The following STK3 variants were observed in gnomAD, a reference collection of about 807,000 sequenced individuals.
STK3 encodes the protein serine/threonine kinase 3, also known as serine/threonine-protein kinase 3.
A neutral mutation model predicts 58.0 loss-of-function variants in STK3; 41 were observed. That is an observed-to-expected ratio of 0.71 (90% CI 0.55 to 0.92). STK3 has a LOEUF of 0.92. STK3 is among the 40% of genes least tolerant of loss of function. The probability of loss-of-function intolerance (pLI) is 0.00; values close to 1 mark genes in which losing one functional copy is unlikely to be tolerated. For missense variants in STK3, 479 were observed against 602.7 expected, an observed-to-expected ratio of 0.79 and a Z score of 2.15; for synonymous variants, 170 against 191.0, an observed-to-expected ratio of 0.89 and a Z score of 0.91.
Position 98,516,180 on chromosome 8 carries a change from T to C in STK3, c.1317+10562A>G, listed in dbSNP as rs567335299. 1.5e-3 allele frequency among the ~76,000 whole-genome samples: 222 copies of C among 152,172 alleles called. 1 individual carries two copies. The highest frequency in any genetic ancestry group is 5.2e-3 in the African/African-American group (216 of 41,550). On this transcript the variant is annotated intron_variant, in intron 10 of 10. Coordinates refer to ENST00000419617, the MANE Select transcript of STK3 (RefSeq NM_006281.4). ...TGAGTCATAGCAAAATGTGGCATAG[T>C]TGCCCAAATTAATAGAAGCCTAATA...
intron 7 of STK3, among the ~76,000 whole-genome samples, chr8:98,591,419 T>TA (rs1815303870): frequency 6.6e-6 from 1 of 152,240 alleles, no homozygotes; most frequent in South Asian, 2.1e-4. Flanking sequence ...CTTTTTGACT[T>TA]ACAATATTTT....
chr8:98,707,134 A>G lies in STK3; in HGVS notation c.516+13T>C. The G allele has an allele frequency of 6.3e-7, 1 of 1,593,940 alleles. No homozygotes were observed. The highest frequency in any genetic ancestry group is 2.2e-5 in the East Asian group (1 of 44,500). On this transcript the variant is annotated intron_variant, in intron 5 of 10. Coordinates refer to ENST00000419617, the MANE Select transcript of STK3 (RefSeq NM_006281.4). The stretch of plus-strand genomic sequence containing the variant: ...TTAGCCAAGTGTTTAGAAAACCATT[A>G]AAGTTAACTTACTGTTAACTGACCA...
At chr8:98,878,344 G>T (rs1416988701) in intron 3 of STK3, among the ~76,000 whole-genome samples, 1 of 152,148 alleles carries the variant, frequency 6.6e-6, no homozygotes, top group Non-Finnish European at 1.5e-5. Context: ...TCTTTACAAA[G>T]AATCAATATG....
chr8:98,691,462 C>T (rs1321159247), intron 6 of STK3, among the ~76,000 whole-genome samples: 2 of 152,062 alleles, frequency 1.3e-5, no homozygotes, highest in Non-Finnish European at 2.9e-5. Flanking sequence ...ACAAAGAAGA[C>T]ATACAAAGGG....
At chr8:98,392,987 G>A (rs915621088), upstream of STK3, among the ~76,000 whole-genome samples, 8 of 152,202 alleles carry the variant, frequency 5.3e-5, no homozygotes, top group African/African-American at 1.7e-4. Context: ...TCCCTCTCTC[G>A]CTTAGTGACA....
chr8:98,388,955 A>G (rs576184685), upstream of STK3, among the ~76,000 whole-genome samples: 140 of 152,366 alleles, frequency 9.2e-4, no homozygotes, highest in Non-Finnish European at 1.7e-3. Flanking sequence ...TGAATGGCTC[A>G]GAACCATCTG....
At chr8:98,535,444 T>C (rs1288653354) in intron 9 of STK3, among the ~76,000 whole-genome samples, 1 of 146,358 alleles carries the variant, frequency 6.8e-6, no homozygotes, top group East Asian at 2.0e-4. Flanking sequence ...CAGGACCACA[T>C]TGCTTTCATT....
chr8:98,389,662 C>A (rs1248651425), upstream of STK3, among the ~76,000 whole-genome samples: 1 of 151,464 alleles, frequency 6.6e-6, no homozygotes, highest in Non-Finnish European at 1.5e-5. Flanking sequence ...AGCAAGCATA[C>A]CTGTGGACAG....
chr8:98,445,666 C>CA (rs1314892483), intron 1 of STK3, among the ~76,000 whole-genome samples: 3 of 152,152 alleles, frequency 2.0e-5, no homozygotes, highest in Admixed American at 2.0e-4. Flanking sequence ...AAACTGCTGA[C>CA]AAAAAGAAGA....
the STK3 span, among the ~76,000 whole-genome samples, chr8:98,352,319 A>G: frequency 1.3e-5 from 2 of 152,198 alleles, no homozygotes; most frequent in African/African-American, 4.8e-5. Context: ...AATTTTTGAA[A>G]GAATTAGTCA....
At chr8:98,361,965 A>C in the STK3 span, among the ~76,000 whole-genome samples, 751 of 152,300 alleles carry the variant, frequency 4.9e-3, 3 homozygotes, top group African/African-American at 0.017. Context: ...CCTCACTGCC[A>C]GCCTGAATCC....
At chr8:98,360,674 C>T in the STK3 span, among the ~76,000 whole-genome samples, 1 of 152,196 alleles carries the variant, frequency 6.6e-6, no homozygotes, top group Non-Finnish European at 1.5e-5. Flanking sequence ...TGAGAGCTCT[C>T]ACTCACAGAC....
chr8:98,465,234 C>T (rs1428467286), intron 10 of STK3, among the ~76,000 whole-genome samples: 2 of 152,092 alleles, frequency 1.3e-5, no homozygotes, highest in African/African-American at 4.8e-5. Flanking sequence ...AATGATCCAC[C>T]CTAGGTCTCT....
chr8:98,670,851 A>G (rs1382228963), intron 6 of STK3, among the ~76,000 whole-genome samples: 1 of 152,162 alleles, frequency 6.6e-6, no homozygotes, highest in Non-Finnish European at 1.5e-5. Flanking sequence ...CTCTGTCCTC[A>G]TCACCCTTCA....
At chr8:98,720,937 T>TAA in intron 4 of STK3, 1 of 231,044 alleles carries the variant, frequency 4.3e-6, no homozygotes, top group Non-Finnish European at 7.1e-6. Flanking sequence ...AAATAGGCAG[T>TAA]AAAAAAAAAT....
intron 1 of STK3, among the ~76,000 whole-genome samples, chr8:98,923,854 TGCGCGCGCGCGCGCGC>T (rs3029998): frequency 1.8e-5 from 2 of 113,620 alleles, no homozygotes; most frequent in East Asian, 2.3e-4. Context: ...TGTGTGTGTG[TGCGCGCGCGCGCGCGC>T]GCGCGCGTTG....
intron 4 of STK3, among the ~76,000 whole-genome samples, chr8:98,735,359 T>C (rs185462372): frequency 3.3e-5 from 5 of 152,276 alleles, no homozygotes; most frequent in East Asian, 1.9e-4. Context: ...CTCCCATATA[T>C]AGGATACCAT....
At chr8:98,540,057 C>T (rs1018342127) in intron 9 of STK3, among the ~76,000 whole-genome samples, 11 of 152,110 alleles carry the variant, frequency 7.2e-5, no homozygotes, top group African/African-American at 2.4e-4. Flanking sequence ...CCCGGCCTCT[C>T]CACCCATTCT....
At chr8:98,474,338 A>T (rs1821147985) in intron 10 of STK3, among the ~76,000 whole-genome samples, 3 of 152,154 alleles carry the variant, frequency 2.0e-5, no homozygotes, top group South Asian at 4.1e-4. Flanking sequence ...TGCCCCTAAG[A>T]TACGGAAATG....
Sources: allele counts gnomAD v4.1 joint callset (sites outside exome capture counted in the v4.1 genomes callset), GRCh38; gene constraint gnomAD v4.1.1; transcripts MANE v1.5; gene names NCBI Gene and HGNC (gene_info 2026-07-23, HGNC 2026-07-21).